The following MBD5 variants were observed in gnomAD, a reference collection of about 807,000 sequenced individuals.
MBD5 encodes methyl-CpG binding domain protein 5.
In MBD5, 13 loss-of-function variants were observed where a neutral mutation model predicts 117.3. That is an observed-to-expected ratio of 0.11 (90% CI 0.07 to 0.18). The LOEUF (loss-of-function observed/expected upper bound fraction) is 0.18. Among genes scored for constraint, MBD5 ranks in the 10% least tolerant of loss-of-function variants. MBD5 has a pLI of 1.00. For synonymous variants in MBD5, 727 were observed against 766.4 expected (o/e 0.95, Z 0.85); for missense variants, 1,879 against 2,093.8 (o/e 0.90, Z 2.00).
chr2:148,322,419 G>T (rs1702305833), intron 3 of MBD5, among the ~76,000 whole-genome samples: 1 of 152,070 alleles, frequency 6.6e-6, no homozygotes, highest in African/African-American at 2.4e-5. Context: ...TAGTTACCTA[G>T]AATACATTCA....
chr2:148,494,499 A>AT (rs1464992500), intron 11 of MBD5, among the ~76,000 whole-genome samples: 1 of 152,082 alleles, frequency 6.6e-6, no homozygotes, highest in Non-Finnish European at 1.5e-5. Flanking sequence ...ATTAGTGGAG[A>AT]TTTTTAACAG....
At chr2:148,241,605 C>G (rs1017486443) in intron 3 of MBD5, among the ~76,000 whole-genome samples, 2 of 152,028 alleles carry the variant, frequency 1.3e-5, no homozygotes, top group Non-Finnish European at 2.9e-5. Context: ...CTGGGCCCCC[C>G]CTCCCTGACC....
At chr2:148,172,700 T>C (rs895697471) in intron 1 of MBD5, among the ~76,000 whole-genome samples, 2 of 152,074 alleles carry the variant, frequency 1.3e-5, no homozygotes, top group African/African-American at 4.8e-5. Flanking sequence ...TGAAAACTTA[T>C]GATGCTTTTT....
chr2:148,202,918 A>G (rs1178695897), intron 2 of MBD5, among the ~76,000 whole-genome samples: 1 of 152,092 alleles, frequency 6.6e-6, no homozygotes. Context: ...AGACTGGCCA[A>G]CATAGTGAAA....
chr2:148,033,334 G>C (rs1694093488), intron 1 of MBD5, among the ~76,000 whole-genome samples: 1 of 152,126 alleles, frequency 6.6e-6, no homozygotes, highest in Admixed American at 6.6e-5. Flanking sequence ...TTGCTCAGTT[G>C]TACTATTTTA....
At chr2:148,198,891 G>A (rs899959313) in intron 2 of MBD5, among the ~76,000 whole-genome samples, 7 of 151,672 alleles carry the variant, frequency 4.6e-5, no homozygotes, top group Non-Finnish European at 1.5e-5. Context: ...TATTGTTCAG[G>A]GTTCTCCAGA....
In MBD5 at chr2:148,370,767, G is replaced by A. The variant is rs115037444; in HGVS notation, c.-557+28431G>A. ...GCCTCCCAGATTACTGGGATTACAG[G>A]CATGAGTCTCCATGCTGGCTGATAG... On this transcript the variant is annotated intron_variant, in intron 4 of 13. Transcript: ENST00000642680. Among the ~76,000 whole-genome samples the A allele has an allele frequency of 5.9e-3, 894 of 152,292 alleles. 5 individuals carry two copies. The highest frequency in any genetic ancestry group is 9.7e-3 in the Non-Finnish European group (657 of 68,032).
chr2:148,506,201 CAT>C (rs1310498581), intron 12 of MBD5, among the ~76,000 whole-genome samples: 3 of 152,090 alleles, frequency 2.0e-5, no homozygotes, highest in Non-Finnish European at 4.4e-5. Context: ...CTAGTAGTAA[CAT>C]ATTTATTTAA....
At chr2:148,124,929 A>T (rs1696855013) in intron 1 of MBD5, among the ~76,000 whole-genome samples, 1 of 150,998 alleles carries the variant, frequency 6.6e-6, no homozygotes, top group Non-Finnish European at 1.5e-5. Flanking sequence ...AAATATAGTA[A>T]ATAAGTATAA....
intron 8 of MBD5, among the ~76,000 whole-genome samples, chr2:148,477,135 A>G (rs1680991993): frequency 6.6e-6 from 1 of 152,086 alleles, no homozygotes; most frequent in Non-Finnish European, 1.5e-5. Flanking sequence ...GGGAAGAAAA[A>G]AAAACAAACT....
chr2:148,062,151 T>TGCC (rs1169852604), intron 1 of MBD5: 1 of 151,746 alleles, frequency 6.6e-6, no homozygotes, highest in Non-Finnish European at 1.5e-5. Flanking sequence ...CTCTTTTTGT[T>TGCC]GCCATCTTAA....
At chr2:148,091,791 A>G (rs1042392749) in intron 1 of MBD5, among the ~76,000 whole-genome samples, 1 of 152,196 alleles carries the variant, frequency 6.6e-6, no homozygotes, top group African/African-American at 2.4e-5. Flanking sequence ...ATGCAACAAA[A>G]ACAAAAACAA....
intron 3 of MBD5, among the ~76,000 whole-genome samples, chr2:148,246,414 T>C (rs1700338232): frequency 6.6e-6 from 1 of 152,152 alleles, no homozygotes; most frequent in Non-Finnish European, 1.5e-5. Context: ...GTATTATGTG[T>C]ACATGTTAAA....
intron 3 of MBD5, among the ~76,000 whole-genome samples, chr2:148,340,541 A>G (rs1426949454): frequency 1.3e-5 from 2 of 152,086 alleles, no homozygotes; most frequent in Non-Finnish European, 2.9e-5. Flanking sequence ...TTTGGTACTC[A>G]AGATAGACTT....
chr2:148,092,948 C>T (rs1192747731), intron 1 of MBD5, among the ~76,000 whole-genome samples: 1 of 150,840 alleles, frequency 6.6e-6, no homozygotes, highest in Admixed American at 6.6e-5. Flanking sequence ...GACGGAGTAT[C>T]GCCCTGTCAC....
At chr2:148,388,344 T>C (rs1364654055) in intron 4 of MBD5, among the ~76,000 whole-genome samples, 1 of 152,188 alleles carries the variant, frequency 6.6e-6, no homozygotes, top group Non-Finnish European at 1.5e-5. Flanking sequence ...TCACTGTGGA[T>C]ATAAACGATT....
At position 148,487,788 on chromosome 2, in the gene MBD5, AC is replaced by A. The variant is rs563603989; in HGVS notation, c.3754-1597del. Among the ~76,000 whole-genome samples, 8 of 152,226 alleles carry A rather than the reference AC, an allele frequency of 5.3e-5. No individual in the cohort carries two copies. The East Asian group carries it at 1.4e-3, about 26-fold the overall frequency. The stretch of plus-strand genomic sequence containing the variant: ...ATGAGATGATAGGCTAATTTGTTTC[AC>A]TCTAGTAACAACTTTACCATCTGTA... On this transcript the variant is annotated intron_variant, in intron 10 of 13. Transcript: ENST00000642680.
chr2:148,145,659 G>C (rs1459891849), intron 1 of MBD5, among the ~76,000 whole-genome samples: 1 of 151,638 alleles, frequency 6.6e-6, no homozygotes, highest in Non-Finnish European at 1.5e-5. Flanking sequence ...TTAGCATGAA[G>C]GGGTGTTGAA....
chr2:148,185,728 C>T (rs144159546), intron 2 of MBD5, among the ~76,000 whole-genome samples: 2 of 152,148 alleles, frequency 1.3e-5, no homozygotes, highest in African/African-American at 2.4e-5. Context: ...ATAATGAGGC[C>T]TCCTCTCTAC....
Sources: allele counts gnomAD v4.1 joint callset (sites outside exome capture counted in the v4.1 genomes callset), GRCh38; gene constraint gnomAD v4.1.1; transcripts MANE v1.5; gene names NCBI Gene and HGNC (gene_info 2026-07-23, HGNC 2026-07-21).